The following STK39 variants were observed in gnomAD, a reference collection of about 807,000 sequenced individuals.
The protein encoded by STK39 is STE20/SPS1-related proline-alanine-rich protein kinase.
In STK39, 20 loss-of-function variants were observed where a neutral mutation model predicts 77.8. The observed-to-expected ratio is 0.26, with a 90% CI of 0.18 to 0.37. The LOEUF (loss-of-function observed/expected upper bound fraction) is 0.37, where lower values mean the gene tolerates loss of function less well. Ranked by LOEUF, STK39 falls within the 10% of genes least tolerant of loss-of-function variation. The probability of loss-of-function intolerance (pLI) is 1.00; values close to 1 mark genes in which losing one functional copy is unlikely to be tolerated. For synonymous variants in STK39, 246 were observed against 234.1 expected (o/e 1.05, Z -0.47); for missense variants, 479 against 656.5 (o/e 0.73, Z 2.95).
chr2:168,188,871 T>G (rs1305528924), intron 1 of STK39, among the ~76,000 whole-genome samples: 1 of 152,182 alleles, frequency 6.6e-6, no homozygotes, highest in Non-Finnish European at 1.5e-5. Flanking sequence ...CAGACGCTCC[T>G]GCTGGCCTGT....
chr2:168,184,147 C>A (rs1574535962), intron 1 of STK39, among the ~76,000 whole-genome samples: 1 of 152,180 alleles, frequency 6.6e-6, no homozygotes, highest in East Asian at 1.9e-4. Flanking sequence ...AAGGACAAAA[C>A]AAGCGTATGT....
At chr2:168,034,201 T>C (rs1684895763) in intron 14 of STK39, among the ~76,000 whole-genome samples, 1 of 152,188 alleles carries the variant, frequency 6.6e-6, no homozygotes, top group African/African-American at 2.4e-5. Flanking sequence ...AAACAGGCCC[T>C]GACCATGTGG....
chr2:168,065,727 T>C (rs1238822591), intron 12 of STK39, among the ~76,000 whole-genome samples: 1 of 152,144 alleles, frequency 6.6e-6, no homozygotes, highest in African/African-American at 2.4e-5. Context: ...CCAAAAGATG[T>C]CCTAGGATAA....
At chr2:168,205,038 A>G (rs931671281) in intron 1 of STK39, among the ~76,000 whole-genome samples, 1 of 152,258 alleles carries the variant, frequency 6.6e-6, no homozygotes, top group African/African-American at 2.4e-5. Context: ...AAGATGGATC[A>G]ATGGATGAAT....
chr2:168,140,631 C>T lies in STK39; in HGVS notation c.738+18G>A, dbSNP rs755707805. 1.9e-6 allele frequency: 3 copies of T among 1,576,472 alleles called. No individual in the cohort carries two copies. The East Asian group carries it at 6.8e-5, about 36-fold the overall frequency. On this transcript the variant is annotated intron_variant, in intron 6 of 17. Transcript: ENST00000355999. ...TTGTACTATGTCCATCAAAAAGTCA[C>T]TTTTTTTGTTTTTTTACCTGTTCCA...
At chr2:168,150,407 A>G (rs1688249035) in intron 5 of STK39, among the ~76,000 whole-genome samples, 1 of 152,180 alleles carries the variant, frequency 6.6e-6, no homozygotes, top group Non-Finnish European at 1.5e-5. Context: ...GAATAAATTC[A>G]TATACATGGC....
intron 16 of STK39, among the ~76,000 whole-genome samples, chr2:167,989,808 A>C (rs1260083948): frequency 6.6e-6 from 1 of 152,186 alleles, no homozygotes. Context: ...TCTGAACTAA[A>C]AAAAGAAAAC....
At chr2:168,216,215 T>C (rs1225027652) in intron 1 of STK39, among the ~76,000 whole-genome samples, 1 of 152,074 alleles carries the variant, frequency 6.6e-6, no homozygotes, top group Non-Finnish European at 1.5e-5. Context: ...CAAGGTGACC[T>C]GACCAGAGGT....
chr2:168,189,098 A>C (rs1689277584), intron 1 of STK39, among the ~76,000 whole-genome samples: 1 of 152,208 alleles, frequency 6.6e-6, no homozygotes, highest in African/African-American at 2.4e-5. Flanking sequence ...CCAAAAAAAT[A>C]AAATAAAATA....
chr2:168,167,155 A>G, intron 3 of STK39, 144 bp downstream of exon 3: 1 of 676,048 alleles, frequency 1.5e-6, no homozygotes, highest in Non-Finnish European at 2.5e-6. Flanking sequence ...AGCAATCTGG[A>G]CGTTATCCTC....
chr2:168,216,480 C>T (rs1690027177), intron 1 of STK39, among the ~76,000 whole-genome samples: 2 of 152,196 alleles, frequency 1.3e-5, no homozygotes, highest in South Asian at 4.1e-4. Flanking sequence ...AGAAGCACGC[C>T]TGCACACCAA....
chr2:168,163,358 T>C (rs1052504227), intron 4 of STK39, among the ~76,000 whole-genome samples: 1 of 152,226 alleles, frequency 6.6e-6, no homozygotes, highest in East Asian at 1.9e-4. Context: ...CTAGTATAAT[T>C]CAAGAGTAGT....
intron 16 of STK39, among the ~76,000 whole-genome samples, chr2:167,981,825 C>T (rs1351319598): frequency 6.6e-6 from 1 of 152,202 alleles, no homozygotes; most frequent in African/African-American, 2.4e-5. Flanking sequence ...ACCCCTCCCA[C>T]AGCCACTGCC....
At chr2:168,199,466 G>A (rs1689556851) in intron 1 of STK39, among the ~76,000 whole-genome samples, 1 of 152,078 alleles carries the variant, frequency 6.6e-6, no homozygotes, top group South Asian at 2.1e-4. Context: ...AAATGAAGAA[G>A]TGCCACTTCA....
intron 16 of STK39, among the ~76,000 whole-genome samples, chr2:167,979,585 T>G (rs1683364006): frequency 6.6e-6 from 1 of 152,220 alleles, no homozygotes. Flanking sequence ...AAAACACAGG[T>G]GTTTCTTAAT....
chr2:168,216,900 C>T (rs1413425451), intron 1 of STK39, among the ~76,000 whole-genome samples: 1 of 152,142 alleles, frequency 6.6e-6, no homozygotes, highest in Non-Finnish European at 1.5e-5. Flanking sequence ...GAAGCTTTAC[C>T]CAACCAACCC....
intron 1 of STK39, among the ~76,000 whole-genome samples, chr2:168,201,865 G>A (rs1689619929): frequency 6.6e-6 from 1 of 152,216 alleles, no homozygotes. Context: ...TTAGGACACT[G>A]AGTCAAAATA....
At chr2:168,117,365 T>C (rs1687284666) in intron 10 of STK39, among the ~76,000 whole-genome samples, 1 of 152,212 alleles carries the variant, frequency 6.6e-6, no homozygotes, top group Non-Finnish European at 1.5e-5. Flanking sequence ...ACCATCTTGC[T>C]TGCTAAACTT....
chr2:167,972,522 G>C (rs1250896186), intron 16 of STK39, among the ~76,000 whole-genome samples: 1 of 152,090 alleles, frequency 6.6e-6, no homozygotes, highest in Non-Finnish European at 1.5e-5. Context: ...TCAATTCCTG[G>C]CTTCAGGAAT....
Sources: gnomAD v4.1 joint callset for allele counts (sites outside exome capture counted in the v4.1 genomes callset) on GRCh38, gnomAD v4.1.1 for gene constraint, MANE v1.5 for transcripts, NCBI Gene and HGNC (gene_info 2026-07-23, HGNC 2026-07-21) for gene names.